FRMPD3: variants seen among roughly 807,000 people sequenced by gnomAD.
The protein encoded by FRMPD3 is FERM and PDZ domain containing 3.
FRMPD3 carries 42 observed loss-of-function variants against 97.9 expected under a neutral mutation model. The observed-to-expected ratio is 0.43, with a 90% CI of 0.34 to 0.55. The LOEUF (loss-of-function observed/expected upper bound fraction) is 0.55, where lower values mean the gene tolerates loss of function less well. Among genes scored for constraint, FRMPD3 ranks in the 20% least tolerant of loss-of-function variants. The pLI, the probability that FRMPD3 is intolerant of heterozygous loss-of-function variation, is 0.03. For synonymous variants in FRMPD3, 577 were observed against 581.1 expected, an observed-to-expected ratio of 0.99 and a Z score of 0.10; for missense variants, 1,303 against 1,457.7, an observed-to-expected ratio of 0.89 and a Z score of 1.73.
At chrX:107,590,429 T>C (rs73522866) in intron 13 of FRMPD3, among the ~76,000 whole-genome samples, 3,229 of 112,403 alleles carry the variant, frequency 0.029, 98 homozygotes, top group African/African-American at 0.098. Context: ...TAAGCTTTTA[T>C]CCTTTCATTC....
intron 1 of FRMPD3, among the ~76,000 whole-genome samples, chrX:107,485,054 GT>G (rs1017391285): frequency 8.9e-6 from 1 of 112,608 alleles, no homozygotes; most frequent in Non-Finnish European, 1.9e-5. Flanking sequence ...GATTCTGTTT[GT>G]TCTGTATCAG....
At chrX:107,543,709 G>A (rs1439749046) in intron 4 of FRMPD3, among the ~76,000 whole-genome samples, 3 of 109,180 alleles carry the variant, frequency 2.7e-5, no homozygotes, top group Non-Finnish European at 3.8e-5. Flanking sequence ...CCAGCTACTC[G>A]GGAGACTGAG....
rs1041927935 is a variant in FRMPD3, at chrX:107,600,530, T to C, written c.2491T>C (p.Tyr831His). The change falls in exon 15 of 15, where the codon TAC becomes CAC. Residue 831 changes from tyrosine (Y) to histidine (H), a missense_variant. Physicochemically the swap from Tyr to His is moderately conservative, Grantham distance 83 (BLOSUM62 2). This residue lies in a region of FRMPD3 where 764 missense variants were observed against 820.2 expected (regional missense o/e 0.93). Transcript: ENST00000683843. ...CAAQAVLTAP[Y>H]SLGRPDPNPS... ...AGCCCAGGCCGTTCTTACGGCCCCT[T>C]ACTCTCTTGGGCGCCCGGATCCCAA... 1.7e-6 allele frequency: 2 copies of C among 1,210,497 alleles called. No individual in the cohort carries two copies. Among genetic ancestry groups the C allele is most frequent in the African/African-American group, 3.5e-5 (2 of 57,726 alleles).
intron 1 of FRMPD3, among the ~76,000 whole-genome samples, chrX:107,456,833 A>G (rs1486742238): frequency 8.9e-6 from 1 of 111,805 alleles, no homozygotes; most frequent in Non-Finnish European, 1.9e-5. Context: ...CCTATCCCCT[A>G]TATTTTCTAT....
chrX:107,559,899 G>A (rs1366371899), intron 8 of FRMPD3, among the ~76,000 whole-genome samples: 2 of 110,108 alleles, frequency 1.8e-5, no homozygotes, highest in African/African-American at 6.6e-5. Context: ...TGTATGGCTT[G>A]GGGGTGAGTA....
intron 13 of FRMPD3, among the ~76,000 whole-genome samples, chrX:107,587,228 T>A (rs761156245): frequency 1.8e-5 from 2 of 111,929 alleles, no homozygotes; most frequent in African/African-American, 6.5e-5. Context: ...TTTTTTGATC[T>A]TTGTTGTGTT....
At chrX:107,521,907 G>T (rs965553881) in intron 1 of FRMPD3, among the ~76,000 whole-genome samples, 3 of 112,690 alleles carry the variant, frequency 2.7e-5, no homozygotes, top group Non-Finnish European at 5.6e-5. Context: ...AGCACAAGTA[G>T]GGAGAGCATC....
intron 1 of FRMPD3, among the ~76,000 whole-genome samples, chrX:107,501,370 T>TCAGGCAGTGG (rs1388241573): frequency 1.1e-5 from 1 of 87,266 alleles, no homozygotes; most frequent in African/African-American, 4.6e-5. Context: ...TTTTTTTTTT[T>TCAGGCAGTGG]TTTTTTTTTG....
At chrX:107,596,101 A>G (rs990551508) in intron 13 of FRMPD3, among the ~76,000 whole-genome samples, 2 of 110,648 alleles carry the variant, frequency 1.8e-5, no homozygotes, top group Non-Finnish European at 3.8e-5. Context: ...TTTGTCATAG[A>G]TGTAATCTCT....
chrX:107,560,887 A>G (rs1922336185), intron 10 of FRMPD3, 34 bp downstream of exon 10: 3 of 1,167,076 alleles, frequency 2.6e-6, no homozygotes, highest in Non-Finnish European at 2.3e-6. Context: ...ATGGTGCTCC[A>G]GGCACTACTG....
rs191082609 is a variant in FRMPD3, at chrX:107,498,451, C to A, written c.-7-28131C>A. Among the ~76,000 whole-genome samples the A allele has an allele frequency of 1.8e-3, 205 of 112,016 alleles. 1 individual carries two copies. Among genetic ancestry groups the A allele is most frequent in the African/African-American group, 6.3e-3 (195 of 30,813 alleles). On this transcript the variant is annotated intron_variant, in intron 1 of 14. Coordinates refer to ENST00000683843, the MANE Select transcript of FRMPD3 (RefSeq NM_001388459.1). ...GTCTTCCACACAAGACTGGTACTTACAACGACTTGAAGAAAATCCTCTCCT... is the reference window on the plus strand; with the variant it reads ...GTCTTCCACACAAGACTGGTACTTAAAACGACTTGAAGAAAATCCTCTCCT...
intron 1 of FRMPD3, among the ~76,000 whole-genome samples, chrX:107,523,913 G>T (rs755328114): frequency 8.4e-4 from 94 of 112,070 alleles, no homozygotes; most frequent in Non-Finnish European, 1.5e-3. Context: ...AGGGCAAAGG[G>T]GAGGCTGCAG....
At chrX:107,552,010 A>G (rs1029316751) in intron 6 of FRMPD3, among the ~76,000 whole-genome samples, 2 of 112,339 alleles carry the variant, frequency 1.8e-5, no homozygotes, top group African/African-American at 6.5e-5. Context: ...TGCTGACTCC[A>G]TGAACACACA....
Position 107,449,687 on chromosome X carries a change from C to A in FRMPD3, c.-326C>A, listed in dbSNP as rs1602747662. On this transcript the variant is annotated 5_prime_UTR_variant, in exon 1 of 15. Coordinates refer to ENST00000683843, the MANE Select transcript of FRMPD3 (RefSeq NM_001388459.1). ...CGAGAGAGCGACGAGCGAGCCACGG[C>A]GATGGTGCCGCCCGCGGCGCAGCCA... 2.8e-5 allele frequency among the ~76,000 whole-genome samples: 3 copies of A among 108,958 alleles called. No individual in the cohort carries two copies. The East Asian group carries it at 8.9e-4, about 32-fold the overall frequency. The allele number at this position is 108,958 out of a possible 115,157, so 94.6% of individuals were successfully genotyped here. A position where few individuals can be genotyped will look rare whatever the true frequency, so the allele number is the denominator to read the frequency against.
chrX:107,498,019 G>A (rs991523773), intron 1 of FRMPD3, among the ~76,000 whole-genome samples: 4 of 111,718 alleles, frequency 3.6e-5, no homozygotes, highest in Non-Finnish European at 7.5e-5. Flanking sequence ...CATACCCTGG[G>A]TCCTTGGTCA....
At chrX:107,544,154 A>G (rs1402270045) in intron 4 of FRMPD3, among the ~76,000 whole-genome samples, 1 of 111,468 alleles carries the variant, frequency 9.0e-6, no homozygotes, top group African/African-American at 3.3e-5. Context: ...AAAGACAAAT[A>G]CCACATGATC....
At chrX:107,550,217 G>C in intron 6 of FRMPD3, 61 bp downstream of exon 6, 1 of 779,212 alleles carries the variant, frequency 1.3e-6, no homozygotes, top group Non-Finnish European at 1.9e-6. Context: ...GCAGTTGTGT[G>C]TCCTGTGTTC....
At chrX:107,481,112 C>T (rs184647919) in intron 1 of FRMPD3, among the ~76,000 whole-genome samples, 2 of 111,515 alleles carry the variant, frequency 1.8e-5, no homozygotes, top group African/African-American at 6.5e-5. Context: ...ATAGCCCAAG[C>T]TTGGGTGAGA....
chrX:107,598,187 C>A, intron 14 of FRMPD3, 45 bp downstream of exon 14: 1 of 1,048,764 alleles, frequency 9.5e-7, no homozygotes. Context: ...CTTCTCTTGT[C>A]CAACAAGGGC....
Sources: allele counts gnomAD v4.1 joint callset (sites outside exome capture counted in the v4.1 genomes callset), GRCh38; gene constraint gnomAD v4.1.1; regional missense constraint gnomAD v4.1.1; transcripts MANE v1.5; gene names NCBI Gene and HGNC (gene_info 2026-07-23, HGNC 2026-07-21).